PPP1R12C: variants seen among roughly 807,000 people sequenced by gnomAD.
PPP1R12C encodes the protein protein phosphatase 1 regulatory subunit 12C, also known as leukocyte receptor cluster (LRC) encoded novel gene 3.
PPP1R12C carries 48 observed loss-of-function variants against 95.6 expected under a neutral mutation model. The observed-to-expected ratio is 0.50, with a 90% confidence interval of 0.40 to 0.64. The LOEUF (loss-of-function observed/expected upper bound fraction) is 0.64, where lower values mean the gene tolerates loss of function less well. Among genes scored for constraint, PPP1R12C ranks in the 30% least tolerant of loss-of-function variants. PPP1R12C has a pLI of 0.00. For missense variants in PPP1R12C, 1,057 were observed against 1,083.3 expected, an observed-to-expected ratio of 0.98 and a Z score of 0.34; for synonymous variants, 480 against 460.8, an observed-to-expected ratio of 1.04 and a Z score of -0.53.
intron 4 of PPP1R12C, among the ~76,000 whole-genome samples, chr19:55,102,830 C>T (rs2084992982): frequency 6.6e-6 from 1 of 152,194 alleles, no homozygotes; most frequent in Non-Finnish European, 1.5e-5. Context: ...AAGCTAGAAT[C>T]ATATGGAACC....
In PPP1R12C at chr19:55,091,683, T is replaced by C. The variant is rs886115069; in HGVS notation, c.2229A>G (p.Glu743=). Residue 743 remains glutamate, a synonymous_variant, in exon 21 of 22, where the codon GAA becomes GAG. Coordinates refer to ENST00000263433, the MANE Select transcript of PPP1R12C (RefSeq NM_017607.4). ...CCTCCTCCAGCTCTGCGGCCTTGCG[T>C]TCCAGGGCCCTGCGCTCCTGGAATG... The part of the protein sequence containing the change: ...ELERFERRAL[E]RKAAELEEEL... The C allele has an allele frequency of 6.3e-7, 1 of 1,584,478 alleles. No individual in the cohort carries two copies. Among genetic ancestry groups the C allele is most frequent in the Admixed American group, 1.7e-5 (1 of 58,944 alleles).
Position 55,092,283 on chromosome 19 carries a change from G to A in PPP1R12C, c.2099C>T (p.Ala700Val). ...CAGCCGCAGCGTGGTCTCGGTCAGG[G>A]CCTCGCGAAGCCGCTCGTTCTCCCT... ...LRRENERLRE[A>V]LTETTLRLAQ... The change falls in exon 19 of 22, where the codon GCC becomes GTC. Residue 700 changes from alanine to valine, a missense_variant. Ala to Val is a moderately conservative substitution (Grantham distance 64). Coordinates refer to ENST00000263433, the MANE Select transcript of PPP1R12C (RefSeq NM_017607.4). The A allele has an allele frequency of 3.1e-6, 5 of 1,599,120 alleles. No individual in the cohort carries two copies. Among genetic ancestry groups the A allele is most frequent in the Admixed American group, 1.7e-5 (1 of 58,490 alleles).
rs751703020 is a variant in PPP1R12C at position 55,095,410 on chromosome 19, G to C, written c.1386+35C>G. Reference sequence around the variant, plus strand: ...GGGGCAGTTCCCTCGACTGGGCAGGGGCCTGGGCCTGGACCCGGCCCAACC... The same window carrying C: ...GGGGCAGTTCCCTCGACTGGGCAGGCGCCTGGGCCTGGACCCGGCCCAACC... On this transcript the variant is annotated intron_variant, in intron 10 of 21. Transcript: ENST00000263433. 8 of 1,562,422 alleles carry C rather than the reference G, an allele frequency of 5.1e-6. 1 individual carries two copies. Among genetic ancestry groups the C allele is most frequent in the African/African-American group, 1.4e-5 (1 of 73,456 alleles).
At chr19:55,104,142 AAC>A (rs1240607123) in intron 3 of PPP1R12C, among the ~76,000 whole-genome samples, 1 of 140,246 alleles carries the variant, frequency 7.1e-6, no homozygotes, top group East Asian at 2.1e-4. Context: ...CAGCCTGGGC[AAC>A]ACAGTGAGAC....
intron 11 of PPP1R12C, 123 bp from the exon 12 acceptor site, chr19:55,094,921 A>G (rs2084892625): frequency 8.4e-7 from 1 of 1,192,652 alleles, no homozygotes; most frequent in Non-Finnish European, 1.2e-6. Context: ...CTGAGCAGAA[A>G]TACACAAAAC....
At chr19:55,095,050 CGTG>C in intron 11 of PPP1R12C, 1 of 675,846 alleles carries the variant, frequency 1.5e-6, no homozygotes, top group South Asian at 1.8e-5. Flanking sequence ...CGGACGGCGC[CGTG>C]GTGGCAGCAG....
rs1414537462 is a variant in PPP1R12C, at chr19:55,093,083, G to C, written c.1765-7C>G. ...GGGGCCTTCGGGAAGGGTCCTGTCG[G>C]GAGGGGGAGGCGAGTCAGGGAAGCA... On this transcript the variant is annotated splice_polypyrimidine_tract_variant and splice_region_variant and intron_variant, in intron 14 of 21. Transcript: ENST00000263433. The C allele has an allele frequency of 1.2e-6, 2 of 1,607,914 alleles. No homozygotes were observed. The highest frequency in any genetic ancestry group is 1.1e-5 in the South Asian group (1 of 90,762).
At position 55,113,056 on chromosome 19, in the gene PPP1R12C, A is replaced by T. The variant is rs1162127526; in HGVS notation, c.322-261T>A. The T allele has an allele frequency of 5.2e-6, 3 of 573,126 alleles. No individual in the cohort carries two copies. The Admixed American group carries it at 9.1e-5, about 17-fold the overall frequency. 35.5% of individuals were successfully genotyped at this position (573,126 alleles called of 1,614,324 possible). On this transcript the variant is annotated intron_variant, in intron 1 of 21. Transcript: ENST00000263433. The stretch of plus-strand genomic sequence containing the variant: ...CAAACAGGAAGTGAACGGGGAAGGG[A>T]GGGGGCTTCTCATCTGGGTGCGGGA...
intron 1 of PPP1R12C, chr19:55,113,758 G>C (rs746123412): frequency 3.1e-5 from 12 of 384,676 alleles, no homozygotes; most frequent in South Asian, 1.1e-4. Flanking sequence ...TGAAGGGGCC[G>C]CACGTGCCCT....
intron 1 of PPP1R12C, chr19:55,115,328 G>A (rs748958714): frequency 2.0e-5 from 3 of 152,068 alleles, no homozygotes; most frequent in Non-Finnish European, 4.4e-5. Flanking sequence ...TATAAATTGG[G>A]GACTAGAAAG....
chr19:55,092,038 C>T (rs1200677500), intron 19 of PPP1R12C, 129 bp from the exon 20 acceptor site: 2 of 1,265,086 alleles, frequency 1.6e-6, no homozygotes, highest in Non-Finnish European at 2.2e-6. Flanking sequence ...CGGGCCAGGC[C>T]CCGCCACCGG....
At chr19:55,112,855 G>C in intron 1 of PPP1R12C, 60 bp from the exon 2 acceptor site, 1 of 1,601,154 alleles carries the variant, frequency 6.2e-7, no homozygotes, top group Non-Finnish European at 8.5e-7. Flanking sequence ...CCAGCAAGTC[G>C]GGACTCCAGA....
chr19:55,092,951 G>GC, intron 15 of PPP1R12C, 65 bp downstream of exon 15: 1 of 1,574,980 alleles, frequency 6.3e-7, no homozygotes, highest in Non-Finnish European at 8.6e-7. Context: ...CCCCAGGAAA[G>GC]CAAGAAGACT....
intron 20 of PPP1R12C, 42 bp downstream of exon 20, chr19:55,091,817 C>T: frequency 6.2e-7 from 1 of 1,612,462 alleles, no homozygotes; most frequent in Non-Finnish European, 8.5e-7. Flanking sequence ...GGATGTGAGG[C>T]TGGGGACGCC....
intron 3 of PPP1R12C, among the ~76,000 whole-genome samples, chr19:55,110,419 C>T (rs926511983): frequency 7.4e-5 from 11 of 148,228 alleles, no homozygotes; most frequent in African/African-American, 2.5e-4. Context: ...AAGGTTGGTG[C>T]GGTGGGTGAG....
rs774128150 is a variant in PPP1R12C at position 55,091,422 on chromosome 19, G to A, written c.*50C>T. 7 of 1,536,830 alleles carry A rather than the reference G, an allele frequency of 4.6e-6. No individual in the cohort carries two copies. In the South Asian group the frequency reaches 5.7e-5, roughly 12 times the overall value. ...CGTGTTCACACGGGGGAAGGGGTGC[G>A]TGTGGCAGAAGCAGCTGTATAAATA... On this transcript the variant is annotated 3_prime_UTR_variant, in exon 22 of 22. Coordinates refer to ENST00000263433, the MANE Select transcript of PPP1R12C (RefSeq NM_017607.4).
At position 55,117,490 on chromosome 19, in the gene PPP1R12C, G is replaced by A; in HGVS notation, c.54C>T (p.Ala18=). Residue 18 remains alanine (A), a synonymous_variant, in exon 1 of 22, where the codon GCC becomes GCT. Transcript: ENST00000263433. ...GCAGCTGCTCCCGTCGCCGCTCCCG[G>A]GCAGCCGCCGCCGCCGCCCCCGGGC... The part of the protein sequence containing the change: ...AAGPGAAAAA[A]RERRREQLRQ... 9.7e-7 allele frequency: 1 copy of A among 1,025,744 alleles called. No homozygotes were observed. Among genetic ancestry groups the A allele is most frequent in the South Asian group, 3.7e-5 (1 of 26,762 alleles). The allele number at this position is 1,025,744 out of a possible 1,614,324, so 63.5% of individuals were successfully genotyped here. A position where few individuals can be genotyped will look rare whatever the true frequency, so the allele number is the denominator to read the frequency against.
In PPP1R12C at chr19:55,099,159, G is replaced by A. The variant is rs534407760; in HGVS notation, c.732-64C>T. ...GGGCCCTTGGCCGAGGGCTGATTTC[G>A]GCCAGCGGTTTGGTAACGAGGTCCC... On this transcript the variant is annotated intron_variant, in intron 4 of 21. Transcript: ENST00000263433. 174 of 1,446,316 alleles carry A rather than the reference G, an allele frequency of 1.2e-4. 1 individual carries two copies. In the South Asian group the frequency reaches 2.0e-3, roughly 16 times the overall value. The allele number at this position is 1,446,316 out of a possible 1,614,324, so 89.6% of individuals were successfully genotyped here. A position where few individuals can be genotyped will look rare whatever the true frequency, so the allele number is the denominator to read the frequency against.
intron 6 of PPP1R12C, among the ~76,000 whole-genome samples, chr19:55,098,423 C>A (rs1048918415): frequency 2.6e-5 from 4 of 152,220 alleles, no homozygotes; most frequent in African/African-American, 7.2e-5. Flanking sequence ...CTGGGGGACA[C>A]CTTGTGGGTG....
Sources: allele counts gnomAD v4.1 joint callset (sites outside exome capture counted in the v4.1 genomes callset), GRCh38; gene constraint gnomAD v4.1.1; transcripts MANE v1.5; gene names NCBI Gene and HGNC (gene_info 2026-07-23, HGNC 2026-07-21).